INPP5A: variants seen among roughly 807,000 people sequenced by gnomAD.
INPP5A encodes 43 kDa inositol polyphosphate 5-phophatase.
A neutral mutation model predicts 65.2 loss-of-function variants in INPP5A; 14 were observed. That is an observed-to-expected ratio of 0.21 (90% CI 0.14 to 0.34). The LOEUF (loss-of-function observed/expected upper bound fraction) is 0.34. INPP5A is among the 10% of genes least tolerant of loss of function. INPP5A has a pLI of 1.00. For missense variants in INPP5A, 431 were observed against 545.6 expected (o/e 0.79, Z 2.09); for synonymous variants, 207 against 208.3 (o/e 0.99, Z 0.05).
intron 9 of INPP5A, among the ~76,000 whole-genome samples, chr10:132,731,119 G>C (rs1005875176): frequency 6.6e-6 from 1 of 152,182 alleles, no homozygotes; most frequent in Non-Finnish European, 1.5e-5. Context: ...CAGACGTGGC[G>C]GTCATTCACA....
Position 132,782,252 on chromosome 10 carries a change from T to G in INPP5A, c.*223T>G, listed in dbSNP as rs982411484. 4 of 46,220 alleles carry G rather than the reference T, an allele frequency of 8.7e-5. No individual in the cohort carries two copies. The highest frequency in any genetic ancestry group is 6.8e-3 in the Middle Eastern group (1 of 148). 2.9% of individuals were successfully genotyped at this position (46,220 alleles called of 1,614,324 possible). ...TGTGACATTAAGTAGAAATATTGGT[T>G]TTTTTTTTTTTTTTTTAAATAAGTC... On this transcript the variant is annotated 3_prime_UTR_variant, in exon 16 of 16. Coordinates refer to ENST00000368594, the MANE Select transcript of INPP5A (RefSeq NM_005539.5). The surrounding 1 kb of genome is among the most constrained non-coding windows in gnomAD (Gnocchi z 4.4).
chr10:132,559,743 C>T (rs904598658), intron 1 of INPP5A, among the ~76,000 whole-genome samples: 5 of 152,044 alleles, frequency 3.3e-5, no homozygotes, highest in Admixed American at 6.5e-5. Flanking sequence ...TTACTCAGCA[C>T]GTGTGTTCCA....
chr10:132,769,800 TCCC>T (rs538823373), intron 12 of INPP5A, among the ~76,000 whole-genome samples: 1 of 104,966 alleles, frequency 9.5e-6, no homozygotes, highest in African/African-American at 3.7e-5. Context: ...ACCCCGTAGC[TCCC>T]CCCCCCCAAG....
At chr10:132,629,146 T>C (rs1349256315) in intron 2 of INPP5A, among the ~76,000 whole-genome samples, 1 of 152,206 alleles carries the variant, frequency 6.6e-6, no homozygotes, top group African/African-American at 2.4e-5. Context: ...TGGGTCCATT[T>C]GGCTGCCTGA....
chr10:132,777,873 G>C lies in INPP5A; in HGVS notation c.1089+91G>C, dbSNP rs562977550. The C allele has an allele frequency of 5.4e-5, 84 of 1,551,416 alleles. No homozygotes were observed. The East Asian group carries it at 1.9e-3, about 35-fold the overall frequency. ...GCCCTGGTGACAGGGCCCCAGGGGTGGGGGCACCCAGTCTGGGGAATGCTG... is the reference window on the plus strand; with the variant it reads ...GCCCTGGTGACAGGGCCCCAGGGGTCGGGGCACCCAGTCTGGGGAATGCTG... On this transcript the variant is annotated intron_variant, in intron 13 of 15. Coordinates refer to ENST00000368594, the MANE Select transcript of INPP5A (RefSeq NM_005539.5).
At chr10:132,751,929 A>G (rs111818009) in intron 11 of INPP5A, among the ~76,000 whole-genome samples, 21,072 of 73,320 alleles carry the variant, frequency 0.29, 2,135 homozygotes, top group South Asian at 0.35. Flanking sequence ...GTGTCTGGGT[A>G]GAGGCGGGTG....
intron 1 of INPP5A, among the ~76,000 whole-genome samples, chr10:132,540,241 A>G (rs2070891108): frequency 1.3e-5 from 2 of 152,146 alleles, no homozygotes; most frequent in Non-Finnish European, 2.9e-5. Flanking sequence ...TCTGAGTTCT[A>G]GCATTTTTGT....
chr10:132,757,712 G>A (rs1282555418), intron 11 of INPP5A, among the ~76,000 whole-genome samples: 1 of 152,228 alleles, frequency 6.6e-6, no homozygotes, highest in East Asian at 1.9e-4. Context: ...GAGCCCCACA[G>A]CCCGGCACCA....
chr10:132,557,953 G>A (rs756741260), intron 1 of INPP5A, among the ~76,000 whole-genome samples: 2 of 152,354 alleles, frequency 1.3e-5, no homozygotes, highest in Non-Finnish European at 2.9e-5. Context: ...CTCCTGCTGC[G>A]AGAATTCTAG....
intron 2 of INPP5A, among the ~76,000 whole-genome samples, chr10:132,626,751 C>T (rs1185970879): frequency 6.6e-6 from 1 of 152,172 alleles, no homozygotes; most frequent in East Asian, 1.9e-4. Context: ...TCTGCTGTGC[C>T]CTGTGGACAG....
At chr10:132,732,140 T>G (rs1341623760) in intron 9 of INPP5A, among the ~76,000 whole-genome samples, 3 of 152,250 alleles carry the variant, frequency 2.0e-5, no homozygotes, top group Non-Finnish European at 2.9e-5. Context: ...CAGCTGCCCA[T>G]GCAGTTACCA....
chr10:132,576,541 G>A (rs1343563431), intron 1 of INPP5A, among the ~76,000 whole-genome samples: 1 of 152,174 alleles, frequency 6.6e-6, no homozygotes, highest in Non-Finnish European at 1.5e-5. Context: ...TCCCCAGTGT[G>A]CGTCCCCCAC....
At chr10:132,700,427 TTGA>T (rs1845418883) in intron 6 of INPP5A, among the ~76,000 whole-genome samples, 1 of 152,248 alleles carries the variant, frequency 6.6e-6, no homozygotes, top group Admixed American at 6.5e-5. Context: ...ACCCGTGTGT[TTGA>T]TGATCTGCAA....
At chr10:132,648,824 C>T (rs571408823) in intron 3 of INPP5A, among the ~76,000 whole-genome samples, 1 of 152,312 alleles carries the variant, frequency 6.6e-6, no homozygotes, top group South Asian at 2.1e-4. Flanking sequence ...TTTGCAGCAA[C>T]CTGATTATGT....
In INPP5A at chr10:132,637,583, A is replaced by G. The variant is rs537465553; in HGVS notation, c.118-8285A>G. ...CTGTGCGATTTTGCTTTCTCAGTGG[A>G]TTTTTCTGGTTTTGATGCCCATGTT... On this transcript the variant is annotated intron_variant, in intron 2 of 15. Transcript: ENST00000368594. The surrounding 1 kb of genome is among the most constrained non-coding windows in gnomAD (Gnocchi z 4.1). Among the ~76,000 whole-genome samples, 373 of 151,102 alleles carry G rather than the reference A, an allele frequency of 2.5e-3. 1 individual carries two copies. Among genetic ancestry groups the G allele is most frequent in the Non-Finnish European group, 3.9e-3 (264 of 67,726 alleles).
intron 1 of INPP5A, among the ~76,000 whole-genome samples, chr10:132,541,494 G>A (rs1223913202): frequency 2.6e-5 from 4 of 152,200 alleles, no homozygotes; most frequent in African/African-American, 4.8e-5. Flanking sequence ...GCCTTACAGT[G>A]TACCGGTCCC....
Position 132,697,039 on chromosome 10 carries a change from CG to C in INPP5A, c.371-775del, listed in dbSNP as rs1845355727. Among the ~76,000 whole-genome samples, 1 of 152,220 alleles carries C rather than the reference CG, an allele frequency of 6.6e-6. No individual in the cohort carries two copies. The highest frequency in any genetic ancestry group is 1.5e-5 in the Non-Finnish European group (1 of 68,042). On this transcript the variant is annotated intron_variant, in intron 5 of 15. Coordinates refer to ENST00000368594, the MANE Select transcript of INPP5A (RefSeq NM_005539.5). This position sits in a 1 kb window ranked among gnomAD's most constrained non-coding sequence, Gnocchi z 5.6. ...TGGGACACAACACACTGCTCCAAAG[CG>C]GTCTCCAGGAACCTCGTTGACACCC...
chr10:132,603,218 G>C lies in INPP5A; in HGVS notation c.76-4697G>C, dbSNP rs1341509210. Among the ~76,000 whole-genome samples, 1 of 152,166 alleles carries C rather than the reference G, an allele frequency of 6.6e-6. No individual in the cohort carries two copies. The highest frequency in any genetic ancestry group is 2.4e-5 in the African/African-American group (1 of 41,428). ...GGGCCAGGCTGCCTCTGGCATCTTG[G>C]TCTCTCATGTGGGTATTCTCTATTA... On this transcript the variant is annotated intron_variant, in intron 1 of 15. Transcript: ENST00000368594. This position sits in a 1 kb window ranked among gnomAD's most constrained non-coding sequence, Gnocchi z 4.2.
chr10:132,557,321 C>T (rs973297807), intron 1 of INPP5A, among the ~76,000 whole-genome samples: 1 of 152,228 alleles, frequency 6.6e-6, no homozygotes, highest in Non-Finnish European at 1.5e-5. Flanking sequence ...TGCTCAGTGC[C>T]GGGCAGATGT....
Sources: gnomAD v4.1 joint callset for allele counts (sites outside exome capture counted in the v4.1 genomes callset) on GRCh38, gnomAD v4.1.1 for gene constraint, Gnocchi (gnomAD v3.1) non-coding constraint, MANE v1.5 for transcripts, NCBI Gene and HGNC (gene_info 2026-07-23, HGNC 2026-07-21) for gene names.